Variants in SLC35F1 observed in about 807,000 individuals in gnomAD.
SLC35F1 encodes the protein solute carrier family 35 member F1.
Under a neutral mutation model 48.7 loss-of-function variants are expected in SLC35F1, and 14 were observed. The ratio of observed to expected loss-of-function variants is 0.29; its 90% CI spans 0.19 to 0.45. The LOEUF is 0.45. Ranked by LOEUF, SLC35F1 falls within the 20% of genes least tolerant of loss-of-function variation. The pLI is 1.00. For missense variants in SLC35F1, 404 were observed against 500.0 expected, an observed-to-expected ratio of 0.81 and a Z score of 1.83; for synonymous variants, 190 against 202.2, an observed-to-expected ratio of 0.94 and a Z score of 0.51.
intron 2 of SLC35F1, among the ~76,000 whole-genome samples, chr6:118,163,685 G>A (rs1774274620): frequency 1.3e-5 from 2 of 152,194 alleles, no homozygotes; most frequent in Admixed American, 1.3e-4. Flanking sequence ...TCTTTCATGT[G>A]GGAGATTGAA....
At chr6:117,997,322 A>G (rs1309773686) in intron 1 of SLC35F1, among the ~76,000 whole-genome samples, 1 of 152,244 alleles carries the variant, frequency 6.6e-6, no homozygotes, top group East Asian at 1.9e-4. Context: ...AGTGACTGGG[A>G]GAATGGAACC....
chr6:118,150,509 G>A (rs867338784), intron 1 of SLC35F1, among the ~76,000 whole-genome samples: 2 of 152,070 alleles, frequency 1.3e-5, no homozygotes, highest in South Asian at 4.1e-4. Context: ...ATAGCATATT[G>A]CCAAAGTTTT....
intron 3 of SLC35F1, among the ~76,000 whole-genome samples, chr6:118,243,275 TAAGCCATATGA>T (rs1162371418): frequency 1.3e-5 from 2 of 152,216 alleles, no homozygotes; most frequent in African/African-American, 4.8e-5. Context: ...GTCTCATGTT[TAAGCCATATGA>T]GTAGATTTGG....
chr6:118,059,911 C>A (rs1772514308), intron 1 of SLC35F1, among the ~76,000 whole-genome samples: 1 of 152,182 alleles, frequency 6.6e-6, no homozygotes. Flanking sequence ...AAACACTATA[C>A]AACATTATGT....
chr6:118,077,471 T>G (rs1054689281), intron 1 of SLC35F1, among the ~76,000 whole-genome samples: 2 of 152,266 alleles, frequency 1.3e-5, no homozygotes, highest in African/African-American at 4.8e-5. Flanking sequence ...TGTAAGTTCA[T>G]TGTTGGAAAT....
At chr6:117,998,520 T>G (rs1439333872) in intron 1 of SLC35F1, among the ~76,000 whole-genome samples, 1 of 152,164 alleles carries the variant, frequency 6.6e-6, no homozygotes, top group Non-Finnish European at 1.5e-5. Context: ...ACCACATACT[T>G]GGAAGTAAAG....
chr6:118,132,202 G>C (rs1032443326), intron 1 of SLC35F1, among the ~76,000 whole-genome samples: 6 of 152,106 alleles, frequency 3.9e-5, no homozygotes, highest in African/African-American at 1.4e-4. Context: ...ATAGCCCTTT[G>C]GATCTGAGTG....
rs1267404418 is a variant in SLC35F1 at position 117,924,782 on chromosome 6, TAAA to T, written c.173+16884_173+16886del. Reference sequence around the variant, plus strand: ...TAATAGTATCAAGGATCTGCCTACATAAAGAAGAATAATGAAGTCATTTGGCTT... The same window carrying T: ...TAATAGTATCAAGGATCTGCCTACATGAAGAATAATGAAGTCATTTGGCTT... On this transcript the variant is annotated intron_variant, in intron 1 of 7. Coordinates refer to ENST00000360388, the MANE Select transcript of SLC35F1 (RefSeq NM_001029858.4). 2.6e-5 allele frequency among the ~76,000 whole-genome samples: 4 copies of T among 152,110 alleles called. No homozygotes were observed. The South Asian group carries it at 8.3e-4, about 31-fold the overall frequency.
At chr6:118,028,247 C>T (rs995044129) in intron 1 of SLC35F1, among the ~76,000 whole-genome samples, 6 of 152,100 alleles carry the variant, frequency 3.9e-5, no homozygotes, top group South Asian at 2.1e-4. Context: ...TCTCTGTTTC[C>T]GCTTTCTCCT....
At chr6:118,191,261 T>C (rs577138299) in intron 2 of SLC35F1, among the ~76,000 whole-genome samples, 4 of 152,322 alleles carry the variant, frequency 2.6e-5, no homozygotes, top group Admixed American at 6.5e-5. Context: ...TATAAGGTTA[T>C]CTATGTATAA....
chr6:117,966,139 C>CA (rs1554219375), intron 1 of SLC35F1, among the ~76,000 whole-genome samples: 1 of 120,712 alleles, frequency 8.3e-6, no homozygotes, highest in Non-Finnish European at 1.8e-5. Context: ...CCGCCCCCCC[C>CA]CCCACTCCCG....
intron 1 of SLC35F1, among the ~76,000 whole-genome samples, chr6:118,012,583 C>T (rs1777264735): frequency 6.6e-6 from 1 of 152,134 alleles, no homozygotes; most frequent in Non-Finnish European, 1.5e-5. Flanking sequence ...TGCTAAGTGT[C>T]TCCTGGCAAA....
intron 1 of SLC35F1, among the ~76,000 whole-genome samples, chr6:117,963,065 GGATTTGTAACACTTGCCAATTTCCGT>G (rs1305801028): frequency 6.6e-6 from 1 of 152,088 alleles, no homozygotes. Flanking sequence ...CCAGGGACCT[GGATTTGTAACACTTGCCAATTTCCGT>G]GATTTATCTA....
At chr6:117,994,433 C>T (rs1198250171) in intron 1 of SLC35F1, among the ~76,000 whole-genome samples, 2 of 152,076 alleles carry the variant, frequency 1.3e-5, no homozygotes, top group East Asian at 1.9e-4. Flanking sequence ...TAACATATTC[C>T]AGGGATTAGG....
At chr6:118,035,127 T>C (rs1401391395) in intron 1 of SLC35F1, among the ~76,000 whole-genome samples, 1 of 152,200 alleles carries the variant, frequency 6.6e-6, no homozygotes. Flanking sequence ...TTTTTCAATA[T>C]TTTTGTCTGT....
At chr6:117,949,445 A>AT (rs1441761341) in intron 1 of SLC35F1, among the ~76,000 whole-genome samples, 1 of 151,974 alleles carries the variant, frequency 6.6e-6, no homozygotes, top group Non-Finnish European at 1.5e-5. Flanking sequence ...GCACTTTATT[A>AT]TTTTTTTCGA....
intron 1 of SLC35F1, among the ~76,000 whole-genome samples, chr6:117,951,073 TTTCTC>T (rs1776357665): frequency 6.6e-6 from 1 of 152,226 alleles, no homozygotes; most frequent in African/African-American, 2.4e-5. Context: ...AATGGGAACA[TTTCTC>T]TTCATAAGTT....
At chr6:118,058,182 T>C (rs1772488667) in intron 1 of SLC35F1, among the ~76,000 whole-genome samples, 1 of 152,164 alleles carries the variant, frequency 6.6e-6, no homozygotes. Flanking sequence ...AATAAATGCA[T>C]AGAATATGAG....
intron 1 of SLC35F1, among the ~76,000 whole-genome samples, chr6:117,913,351 T>C (rs144344451): frequency 2.7e-3 from 413 of 152,362 alleles, no homozygotes; most frequent in African/African-American, 9.7e-3. Flanking sequence ...AGCCTTCTTA[T>C]GGAATACACA....
Sources: gnomAD v4.1 joint callset for allele counts (sites outside exome capture counted in the v4.1 genomes callset) on GRCh38, gnomAD v4.1.1 for gene constraint, MANE v1.5 for transcripts, NCBI Gene and HGNC (gene_info 2026-07-23, HGNC 2026-07-21) for gene names.